TMEM108: variants seen among roughly 807,000 people sequenced by gnomAD.
TMEM108 encodes the protein transmembrane protein 108.
In TMEM108, 12 loss-of-function variants were observed where a neutral mutation model predicts 35.1. The ratio of observed to expected loss-of-function variants is 0.34; its 90% confidence interval spans 0.22 to 0.55. The LOEUF (loss-of-function observed/expected upper bound fraction) is 0.55, where lower values mean the gene tolerates loss of function less well. Ranked by LOEUF, TMEM108 falls within the 20% of genes least tolerant of loss-of-function variation. TMEM108 has a pLI of 0.89. For synonymous variants in TMEM108, 287 were observed against 308.6 expected, an observed-to-expected ratio of 0.93 and a Z score of 0.73; for missense variants, 680 against 753.3, an observed-to-expected ratio of 0.90 and a Z score of 1.14.
At chr3:133,345,116 C>T (rs2071776162) in intron 3 of TMEM108, among the ~76,000 whole-genome samples, 1 of 151,678 alleles carries the variant, frequency 6.6e-6, no homozygotes, top group Non-Finnish European at 1.5e-5. Flanking sequence ...AAACTTGAAA[C>T]CTTAAACACA....
chr3:133,334,383 T>C (rs1158320054), intron 3 of TMEM108, among the ~76,000 whole-genome samples: 1 of 152,118 alleles, frequency 6.6e-6, no homozygotes, highest in African/African-American at 2.4e-5. Context: ...ATTAAGGCCA[T>C]TGAGAGAAGC....
intron 3 of TMEM108, among the ~76,000 whole-genome samples, chr3:133,367,119 G>C (rs1487222537): frequency 1.3e-5 from 2 of 152,230 alleles, no homozygotes; most frequent in African/African-American, 4.8e-5. Flanking sequence ...ATGGGCCAGA[G>C]GTTTAGATGT....
chr3:133,224,451 A>G (rs1349669112), intron 2 of TMEM108, among the ~76,000 whole-genome samples: 1 of 152,174 alleles, frequency 6.6e-6, no homozygotes, highest in Non-Finnish European at 1.5e-5. Flanking sequence ...CTGTGTTCCC[A>G]CCCAAATCTC....
Position 133,156,238 on chromosome 3 carries a change from A to G in TMEM108, c.-46-73028A>G, listed in dbSNP as rs188260317. Among the ~76,000 whole-genome samples the G allele has an allele frequency of 2.2e-4, 33 of 152,228 alleles. No homozygotes were observed. In the East Asian group the frequency reaches 5.0e-3, roughly 23 times the overall value. ...GGTGTTTTACAAATCAACTAAGACA[A>G]CCTTACAAATATTTGCCTTTTATGT... On this transcript the variant is annotated intron_variant, in intron 2 of 5. Coordinates refer to ENST00000321871, the MANE Select transcript of TMEM108 (RefSeq NM_023943.4).
chr3:133,066,351 G>T (rs1055547017), intron 2 of TMEM108, among the ~76,000 whole-genome samples: 1 of 151,746 alleles, frequency 6.6e-6, no homozygotes, highest in Non-Finnish European at 1.5e-5. Flanking sequence ...TTTATACCTT[G>T]TTCTAGAAAG....
chr3:133,275,494 A>G (rs1024713419), intron 3 of TMEM108, among the ~76,000 whole-genome samples: 8 of 152,202 alleles, frequency 5.3e-5, no homozygotes, highest in African/African-American at 1.7e-4. Context: ...TCAAAGGTTC[A>G]GTTTGGCCAC....
chr3:133,157,217 A>T (rs1258828625), intron 2 of TMEM108, among the ~76,000 whole-genome samples: 1 of 152,152 alleles, frequency 6.6e-6, no homozygotes, highest in African/African-American at 2.4e-5. Context: ...GTTGGCCTCA[A>T]CCCAGTCATG....
chr3:133,169,422 A>C (rs974124696), intron 2 of TMEM108, among the ~76,000 whole-genome samples: 3 of 152,238 alleles, frequency 2.0e-5, no homozygotes, highest in Non-Finnish European at 4.4e-5. Context: ...TCTATACAGC[A>C]AAGGGACTGT....
intron 1 of TMEM108, among the ~76,000 whole-genome samples, chr3:133,043,622 C>G (rs1386432156): frequency 6.6e-6 from 1 of 152,094 alleles, no homozygotes; most frequent in Non-Finnish European, 1.5e-5. Context: ...CTCCCTTCTC[C>G]CCCAATCTGA....
chr3:133,203,017 A>C (rs903001692), intron 2 of TMEM108, among the ~76,000 whole-genome samples: 1 of 152,122 alleles, frequency 6.6e-6, no homozygotes, highest in Non-Finnish European at 1.5e-5. Context: ...CATCCCTTGT[A>C]AGTTGTATTC....
At chr3:133,120,220 G>T (rs551309931) in intron 2 of TMEM108, among the ~76,000 whole-genome samples, 1 of 152,278 alleles carries the variant, frequency 6.6e-6, no homozygotes, top group Admixed American at 6.5e-5. Context: ...TTTGTCTTTT[G>T]TGTAGACACC....
chr3:133,278,408 G>A (rs1946866944), intron 3 of TMEM108, among the ~76,000 whole-genome samples: 1 of 152,202 alleles, frequency 6.6e-6, no homozygotes, highest in Non-Finnish European at 1.5e-5. Context: ...GTACAGTGCT[G>A]CATTGCTTCA....
chr3:133,120,307 C>G (rs533965183), intron 2 of TMEM108, among the ~76,000 whole-genome samples: 1 of 152,198 alleles, frequency 6.6e-6, no homozygotes, highest in Non-Finnish European at 1.5e-5. Flanking sequence ...TTCAACCCAT[C>G]TATTCACTCA....
intron 2 of TMEM108, among the ~76,000 whole-genome samples, chr3:133,146,905 A>C (rs1944729503): frequency 6.6e-6 from 1 of 151,936 alleles, no homozygotes; most frequent in Admixed American, 6.6e-5. Flanking sequence ...TCTTTTGAAA[A>C]AACCAGCTCC....
chr3:133,274,171 C>A (rs1280617306), intron 3 of TMEM108, among the ~76,000 whole-genome samples: 2 of 152,210 alleles, frequency 1.3e-5, no homozygotes, highest in East Asian at 3.9e-4. Flanking sequence ...TGCCCCACTG[C>A]CTTCCCATCT....
chr3:133,127,086 C>T (rs1479952511), intron 2 of TMEM108, among the ~76,000 whole-genome samples: 3 of 152,060 alleles, frequency 2.0e-5, no homozygotes, highest in Admixed American at 2.0e-4. Context: ...ACTTACAGCA[C>T]ATCTCAATTG....
intron 2 of TMEM108, among the ~76,000 whole-genome samples, chr3:133,091,013 A>G (rs556397359): frequency 7.2e-4 from 110 of 152,244 alleles, no homozygotes; most frequent in African/African-American, 2.6e-3. Flanking sequence ...AAGTAAAACT[A>G]TTGGGTTAAA....
Position 133,150,772 on chromosome 3 carries a change from A to G in TMEM108, c.-46-78494A>G, listed in dbSNP as rs554550536. 2.5e-4 allele frequency among the ~76,000 whole-genome samples: 38 copies of G among 152,260 alleles called. No homozygotes were observed. The South Asian group carries it at 7.7e-3, about 31-fold the overall frequency. ...GAGACATGATGAGAGAAGTAGTCTGATGGCGCAGTGAACATCGATCCAATA... is the reference window on the plus strand; with the variant it reads ...GAGACATGATGAGAGAAGTAGTCTGGTGGCGCAGTGAACATCGATCCAATA... On this transcript the variant is annotated intron_variant, in intron 2 of 5. Coordinates refer to ENST00000321871, the MANE Select transcript of TMEM108 (RefSeq NM_023943.4).
intron 3 of TMEM108, among the ~76,000 whole-genome samples, chr3:133,264,285 A>G (rs777290499): frequency 1.5e-4 from 22 of 150,948 alleles, no homozygotes; most frequent in Non-Finnish European, 3.0e-4. Context: ...GGCCTAGGCA[A>G]TAGAGCAAGA....
Sources: allele counts gnomAD v4.1 joint callset (sites outside exome capture counted in the v4.1 genomes callset), GRCh38; gene constraint gnomAD v4.1.1; transcripts MANE v1.5; gene names NCBI Gene and HGNC (gene_info 2026-07-23, HGNC 2026-07-21).